Variants in CNTN6 observed in about 807,000 individuals in gnomAD.
The protein encoded by CNTN6 is contactin 6.
A neutral mutation model predicts 122.8 loss-of-function variants in CNTN6; 137 were observed. The ratio of observed to expected loss-of-function variants is 1.12; its 90% CI spans 0.97 to 1.29. CNTN6 has a LOEUF of 1.29. Among genes scored for constraint, CNTN6 ranks in the 50% most tolerant of loss-of-function variants. CNTN6 has a pLI of 0.00. For missense variants in CNTN6, 1,634 were observed against 1,223.4 expected (o/e 1.34, Z -5.01); for synonymous variants, 570 against 426.0 (o/e 1.34, Z -4.16).
intron 12 of CNTN6, among the ~76,000 whole-genome samples, chr3:1,367,967 G>A (rs1477952951): frequency 6.6e-6 from 1 of 152,158 alleles, no homozygotes; most frequent in Non-Finnish European, 1.5e-5. Context: ...TCCATCCTGA[G>A]CACCAGAACA....
At chr3:1,295,068 C>T (rs1347940609) in intron 5 of CNTN6, among the ~76,000 whole-genome samples, 1 of 152,130 alleles carries the variant, frequency 6.6e-6, no homozygotes, top group African/African-American at 2.4e-5. Context: ...GCTGGGGCAA[C>T]ATAGTGAGAC....
At chr3:1,281,992 AC>A (rs1693538795) in intron 5 of CNTN6, among the ~76,000 whole-genome samples, 1 of 151,806 alleles carries the variant, frequency 6.6e-6, no homozygotes, top group African/African-American at 2.4e-5. Context: ...ATACACACAC[AC>A]ACACACACAC....
chr3:1,285,643 A>G (rs757886438), intron 5 of CNTN6, among the ~76,000 whole-genome samples: 1 of 152,206 alleles, frequency 6.6e-6, no homozygotes, highest in Non-Finnish European at 1.5e-5. Context: ...GTATTGTGTT[A>G]AAATTGTTAG....
intron 1 of CNTN6, among the ~76,000 whole-genome samples, chr3:1,142,968 G>GTGTGTA (rs1217250181): frequency 5.4e-5 from 7 of 128,656 alleles, no homozygotes; most frequent in African/African-American, 1.9e-4. Context: ...GTGTGTGTGT[G>GTGTGTA]TATATATATA....
At chr3:1,238,886 C>T (rs1291389834) in intron 4 of CNTN6, among the ~76,000 whole-genome samples, 1 of 152,102 alleles carries the variant, frequency 6.6e-6, no homozygotes, top group Non-Finnish European at 1.5e-5. Context: ...AATTGATAGA[C>T]TGTTAGTGAG....
intron 2 of CNTN6, among the ~76,000 whole-genome samples, chr3:1,156,494 T>A (rs1031471197): frequency 6.6e-6 from 1 of 152,232 alleles, no homozygotes; most frequent in Non-Finnish European, 1.5e-5. Context: ...TCGTTATACC[T>A]CATAACTAGT....
intron 1 of CNTN6, among the ~76,000 whole-genome samples, chr3:1,130,892 G>T (rs1486006614): frequency 2.0e-5 from 3 of 152,132 alleles, no homozygotes; most frequent in African/African-American, 7.2e-5. Context: ...GTTGCAAGAA[G>T]TCCATCATTT....
At chr3:1,268,500 G>A (rs1346260802) in intron 4 of CNTN6, among the ~76,000 whole-genome samples, 2 of 150,644 alleles carry the variant, frequency 1.3e-5, no homozygotes, top group South Asian at 2.1e-4. Context: ...CCAGCTACTT[G>A]GGAGGCTGAG....
chr3:1,321,535 T>C, intron 7 of CNTN6, 115 bp from the exon 8 acceptor site: 1 of 932,354 alleles, frequency 1.1e-6, no homozygotes, highest in Non-Finnish European at 1.6e-6. Context: ...CTAGTCATAA[T>C]ACAACAGATT....
At chr3:1,244,657 G>A (rs1408852889) in intron 4 of CNTN6, among the ~76,000 whole-genome samples, 1 of 152,194 alleles carries the variant, frequency 6.6e-6, no homozygotes, top group African/African-American at 2.4e-5. Context: ...CGCCAAACAG[G>A]CTTTGTGTGA....
intron 9 of CNTN6, 149 bp downstream of exon 9, chr3:1,326,100 T>A (rs1701505913): frequency 4.9e-6 from 3 of 606,360 alleles, no homozygotes; most frequent in Non-Finnish European, 8.0e-6. Flanking sequence ...TATTTAATCC[T>A]TAAATAAACT....
chr3:1,319,598 C>T (rs1700565855), intron 7 of CNTN6, among the ~76,000 whole-genome samples: 1 of 151,462 alleles, frequency 6.6e-6, no homozygotes, highest in Non-Finnish European at 1.5e-5. Context: ...ACAATTTTTA[C>T]TTATATTTTG....
At chr3:1,356,968 G>A (rs1226079046) in intron 12 of CNTN6, among the ~76,000 whole-genome samples, 1 of 151,796 alleles carries the variant, frequency 6.6e-6, no homozygotes, top group Non-Finnish European at 1.5e-5. Flanking sequence ...ATTTAAGCAA[G>A]CCCACTAAGA....
Position 1,385,812 on chromosome 3 carries a change from A to T in CNTN6, c.2704+15A>T. On this transcript the variant is annotated intron_variant, in intron 20 of 22. Transcript: ENST00000446702. ...CAAAAAGTCTCGTAAGTATGCATAC[A>T]CTCCAGGAAACAAGATTCATCTGTG... 6.3e-7 allele frequency: 1 copy of T among 1,578,902 alleles called. No individual in the cohort carries two copies. Among genetic ancestry groups the T allele is most frequent in the Non-Finnish European group, 8.6e-7 (1 of 1,164,480 alleles).
intron 13 of CNTN6, 110 bp downstream of exon 13, chr3:1,372,584 A>G: frequency 1.1e-6 from 1 of 950,252 alleles, no homozygotes; most frequent in East Asian, 2.7e-5. Context: ...ATAATCACTG[A>G]CTGTTTTTGA....
In CNTN6 at chr3:1,385,676, C is replaced by A; in HGVS notation, c.2583C>A (p.Val861=). The A allele has an allele frequency of 6.2e-7, 1 of 1,614,020 alleles. No individual in the cohort carries two copies. The highest frequency in any genetic ancestry group is 8.5e-7 in the Non-Finnish European group (1 of 1,179,898). Residue 861 remains valine, a synonymous_variant, in exon 20 of 23, where the codon GTC becomes GTA. Coordinates refer to ENST00000446702, the MANE Select transcript of CNTN6 (RefSeq NM_001289080.2). Reference sequence around the variant, plus strand: ...GTAAAATTAGAGTCAGTGGAAATGTCACAACCAAAAACATCACGGGGCTGA... The same window carrying A: ...GTAAAATTAGAGTCAGTGGAAATGTAACAACCAAAAACATCACGGGGCTGA... The part of the protein sequence containing the change: ...MIGKIRVSGN[V]TTKNITGLKA...
intron 2 of CNTN6, among the ~76,000 whole-genome samples, chr3:1,202,413 G>A (rs981739963): frequency 4.6e-5 from 7 of 151,916 alleles, no homozygotes; most frequent in Non-Finnish European, 7.4e-5. Flanking sequence ...GGTGGCGGGC[G>A]CCTGTAGTCC....
chr3:1,317,555 G>C (rs1441904111), intron 7 of CNTN6, among the ~76,000 whole-genome samples: 1 of 151,784 alleles, frequency 6.6e-6, no homozygotes, highest in East Asian at 1.9e-4. Flanking sequence ...TCTTTCCTCT[G>C]TGTTAGTTTC....
intron 2 of CNTN6, among the ~76,000 whole-genome samples, chr3:1,172,822 G>A (rs1575113978): frequency 6.6e-6 from 1 of 152,190 alleles, no homozygotes; most frequent in East Asian, 1.9e-4. Flanking sequence ...GCCCTGTCAT[G>A]AGGCAAGCTG....
Sources: gnomAD v4.1 joint callset for allele counts (sites outside exome capture counted in the v4.1 genomes callset) on GRCh38, gnomAD v4.1.1 for gene constraint, MANE v1.5 for transcripts, NCBI Gene and HGNC (gene_info 2026-07-23, HGNC 2026-07-21) for gene names.